Variants in NCKAP5 observed in about 807,000 individuals in gnomAD.
The protein encoded by NCKAP5 is NCK associated protein 5, also known as nck-associated protein 5.
Under a neutral mutation model 167.0 loss-of-function variants are expected in NCKAP5, and 92 were observed. The observed-to-expected ratio is 0.55, with a 90% confidence interval of 0.47 to 0.66. NCKAP5 has a LOEUF of 0.66. Ranked by LOEUF, NCKAP5 falls within the 30% of genes least tolerant of loss-of-function variation. The probability of loss-of-function intolerance (pLI) is 0.00; values close to 1 mark genes in which losing one functional copy is unlikely to be tolerated. For missense variants in NCKAP5, 2,378 were observed against 2,315.0 expected (o/e 1.03, Z -0.56); for synonymous variants, 891 against 877.4 (o/e 1.02, Z -0.27).
intron 16 of NCKAP5, among the ~76,000 whole-genome samples, chr2:132,735,925 GC>G (rs1045099882): frequency 6.6e-6 from 1 of 152,128 alleles, no homozygotes; most frequent in Non-Finnish European, 1.5e-5. Context: ...ACATTTTCTA[GC>G]ATCAGTCCCC....
At position 133,131,709 on chromosome 2, in the gene NCKAP5, G is replaced by A. The variant is rs535625329; in HGVS notation, c.208-1598C>T. On this transcript the variant is annotated intron_variant, in intron 5 of 19. Transcript: ENST00000409261. ...TCTTTATTCTGTCACTTTGGAAAAT[G>A]ACATTCTGGAAGCGCTGGAAAGAAA... Among the ~76,000 whole-genome samples the A allele has an allele frequency of 3.9e-5, 6 of 152,214 alleles. No homozygotes were observed. In the South Asian group the frequency reaches 1.2e-3, roughly 32 times the overall value.
intron 3 of NCKAP5, among the ~76,000 whole-genome samples, chr2:133,510,337 C>T (rs1044973737): frequency 1.3e-5 from 2 of 152,148 alleles, no homozygotes; most frequent in Non-Finnish European, 2.9e-5. Flanking sequence ...ACGCCATAAT[C>T]AGTTCTCATA....
chr2:132,708,549 C>T (rs1688566738), intron 19 of NCKAP5, among the ~76,000 whole-genome samples: 1 of 152,074 alleles, frequency 6.6e-6, no homozygotes, highest in South Asian at 2.1e-4. Context: ...GAAGAGAGCA[C>T]CAGGCAGATT....
rs1183727294 is a variant in NCKAP5, at chr2:133,277,363, T to C, written c.143+25674A>G. On this transcript the variant is annotated intron_variant, in intron 4 of 19. Coordinates refer to ENST00000409261, the MANE Select transcript of NCKAP5 (RefSeq NM_207363.3). ...TAGAAGTCAGTTGCTTTCACAGACATTGATAGTAAACTGGTGGAGGATATA... is the reference window on the plus strand; with the variant it reads ...TAGAAGTCAGTTGCTTTCACAGACACTGATAGTAAACTGGTGGAGGATATA... Among the ~76,000 whole-genome samples the C allele has an allele frequency of 5.3e-5, 8 of 152,276 alleles. No homozygotes were observed. The East Asian group carries it at 1.5e-3, about 29-fold the overall frequency.
chr2:133,064,502 AAC>A (rs1491060287), intron 6 of NCKAP5, among the ~76,000 whole-genome samples: 2 of 152,204 alleles, frequency 1.3e-5, no homozygotes, highest in African/African-American at 2.4e-5. Context: ...TGAAAAAAAA[AAC>A]AGATTAAGAA....
chr2:132,687,532 A>C (rs891318443), intron 19 of NCKAP5, among the ~76,000 whole-genome samples: 1 of 152,164 alleles, frequency 6.6e-6, no homozygotes, highest in Non-Finnish European at 1.5e-5. Context: ...GACTGGAGAA[A>C]TACTTTTCCT....
intron 13 of NCKAP5, among the ~76,000 whole-genome samples, chr2:132,787,915 C>T (rs1683721988): frequency 6.6e-6 from 1 of 152,210 alleles, no homozygotes; most frequent in Non-Finnish European, 1.5e-5. Flanking sequence ...CCCAAGAAGA[C>T]ATGCTCAACC....
At position 132,863,467 on chromosome 2, in the gene NCKAP5, AAAAG is replaced by A. The variant is rs765381773; in HGVS notation, c.688-2860_688-2857del. Among the ~76,000 whole-genome samples, 62 of 152,120 alleles carry A rather than the reference AAAAG, an allele frequency of 4.1e-4. 1 individual carries two copies. Among genetic ancestry groups the A allele is most frequent in the Non-Finnish European group, 6.9e-4 (47 of 67,984 alleles). The stretch of plus-strand genomic sequence containing the variant: ...GATGGGTAAAAAAAAAAAAAAAAGA[AAAAG>A]AAAGAATGAAAGAAAAAAATCAATA... On this transcript the variant is annotated intron_variant, in intron 10 of 19. Transcript: ENST00000409261.
chr2:132,751,096 T>G (rs1427702424), intron 16 of NCKAP5, among the ~76,000 whole-genome samples: 2 of 152,106 alleles, frequency 1.3e-5, no homozygotes, highest in Admixed American at 6.5e-5. Flanking sequence ...ATGTTGAAAT[T>G]TGATCCCCAG....
intron 6 of NCKAP5, among the ~76,000 whole-genome samples, chr2:133,041,078 G>T (rs949924225): frequency 3.3e-5 from 5 of 152,138 alleles, no homozygotes; most frequent in African/African-American, 1.2e-4. Flanking sequence ...ATACCCAAAA[G>T]GAGTTTTGCA....
chr2:132,830,301 T>A (rs759194437), intron 11 of NCKAP5, among the ~76,000 whole-genome samples: 5 of 152,036 alleles, frequency 3.3e-5, no homozygotes, highest in Non-Finnish European at 7.4e-5. Context: ...ATTATTTTAG[T>A]TTTTAATGTG....
intron 8 of NCKAP5, among the ~76,000 whole-genome samples, chr2:132,920,167 G>T (rs1407745445): frequency 2.0e-5 from 3 of 151,660 alleles, no homozygotes; most frequent in African/African-American, 7.3e-5. Flanking sequence ...AAGTTCCTAT[G>T]CTATTTCATG....
rs189705207 is a variant in NCKAP5, at chr2:132,905,043, C to A, written c.580-26127G>T. Among the ~76,000 whole-genome samples, 32 of 152,228 alleles carry A rather than the reference C, an allele frequency of 2.1e-4. No individual in the cohort carries two copies. In the East Asian group the frequency reaches 2.7e-3, roughly 13 times the overall value. ...TGTAATCAAAAAGTCCTTTTCCCACCCGAGCAAACTTAAATAGCCACTTTT... is the reference window on the plus strand; with the variant it reads ...TGTAATCAAAAAGTCCTTTTCCCACACGAGCAAACTTAAATAGCCACTTTT... On this transcript the variant is annotated intron_variant, in intron 8 of 19. Coordinates refer to ENST00000409261, the MANE Select transcript of NCKAP5 (RefSeq NM_207363.3).
At chr2:132,795,919 A>AC (rs34914225) in intron 12 of NCKAP5, among the ~76,000 whole-genome samples, 10 of 148,860 alleles carry the variant, frequency 6.7e-5, no homozygotes, top group African/African-American at 2.0e-4. Flanking sequence ...AAAAAAAAAA[A>AC]CTCCTGACTT....
intron 3 of NCKAP5, among the ~76,000 whole-genome samples, chr2:133,362,347 C>G (rs970203188): frequency 1.4e-4 from 21 of 152,072 alleles, no homozygotes; most frequent in Admixed American, 4.6e-4. Context: ...TAAATGACAC[C>G]CTGGGGTAAT....
the NCKAP5 span, among the ~76,000 whole-genome samples, chr2:133,658,815 T>C: frequency 1.1e-4 from 17 of 152,278 alleles, no homozygotes; most frequent in East Asian, 3.3e-3. Context: ...GCTGATTCTC[T>C]GAGTCCTTGA....
At position 133,385,736 on chromosome 2, in the gene NCKAP5, G is replaced by A. The variant is rs1574850877; in HGVS notation, c.70-82626C>T. Among the ~76,000 whole-genome samples, 3 of 152,114 alleles carry A rather than the reference G, an allele frequency of 2.0e-5. No individual in the cohort carries two copies. The East Asian group carries it at 5.8e-4, about 29-fold the overall frequency. On this transcript the variant is annotated intron_variant, in intron 3 of 19. Transcript: ENST00000409261. ...GCCTCAATTTCAGAGCCTGTTATTG[G>A]TCTATTCAGAGATTCAACTTCTTCC...
intron 16 of NCKAP5, among the ~76,000 whole-genome samples, chr2:132,752,120 C>G (rs1399804852): frequency 2.0e-5 from 3 of 152,138 alleles, no homozygotes; most frequent in African/African-American, 7.2e-5. Flanking sequence ...CATTTTTTGC[C>G]CATAGAGAAA....
chr2:133,055,930 G>A (rs776216883), intron 6 of NCKAP5, among the ~76,000 whole-genome samples: 3 of 152,054 alleles, frequency 2.0e-5, no homozygotes, highest in Non-Finnish European at 2.9e-5. Context: ...TTTAATTATG[G>A]GAACAATAAA....
Sources: gnomAD v4.1 joint callset for allele counts (sites outside exome capture counted in the v4.1 genomes callset) on GRCh38, gnomAD v4.1.1 for gene constraint, MANE v1.5 for transcripts, NCBI Gene and HGNC (gene_info 2026-07-23, HGNC 2026-07-21) for gene names.